Variants in INPP4A observed in about 807,000 individuals in gnomAD.
INPP4A encodes the protein inositol polyphosphate-4-phosphatase type I A.
Under a neutral mutation model 119.8 loss-of-function variants are expected in INPP4A, and 33 were observed. The ratio of observed to expected loss-of-function variants is 0.28; its 90% CI spans 0.21 to 0.37. INPP4A has a LOEUF of 0.37. Among genes scored for constraint, INPP4A ranks in the 10% least tolerant of loss-of-function variants. The pLI is 1.00. For missense variants in INPP4A, 956 were observed against 1,289.9 expected (o/e 0.74, Z 3.97); for synonymous variants, 496 against 500.7 (o/e 0.99, Z 0.12).
chr2:98,512,202 C>T (rs549538647), intron 1 of INPP4A, among the ~76,000 whole-genome samples: 1 of 152,334 alleles, frequency 6.6e-6, no homozygotes, highest in East Asian at 1.9e-4. Flanking sequence ...GCTTGCTCCT[C>T]AGTGTGTCCT....
At chr2:98,541,502 G>A (rs914432152) in intron 10 of INPP4A, among the ~76,000 whole-genome samples, 1 of 152,074 alleles carries the variant, frequency 6.6e-6, no homozygotes, top group Non-Finnish European at 1.5e-5. Context: ...TTACACAGTG[G>A]CAATCTACTT....
In INPP4A at chr2:98,589,911, C is replaced by T; in HGVS notation, c.*2303C>T. 5.0e-6 allele frequency: 1 copy of T among 198,182 alleles called. No homozygotes were observed. Among genetic ancestry groups the T allele is most frequent in the East Asian group, 7.9e-5 (1 of 12,704 alleles). 12.3% of individuals were successfully genotyped at this position (198,182 alleles called of 1,614,324 possible). A position where few individuals can be genotyped will look rare whatever the true frequency, so the allele number is the denominator to read the frequency against. On this transcript the variant is annotated 3_prime_UTR_variant, in exon 25 of 25. Transcript: ENST00000409851. ...ATTCTGTCAGAGCTCCTACAGAGCA[C>T]AGTTGCCTTTAGTTTCCTTTAAAGA...
chr2:98,472,009 G>A (rs192656460), intron 1 of INPP4A, among the ~76,000 whole-genome samples: 55 of 152,324 alleles, frequency 3.6e-4, no homozygotes, highest in African/African-American at 1.1e-3. Context: ...CCCTCTTTTT[G>A]TGCCCCACAA....
rs553733660 is a variant in INPP4A, at chr2:98,506,978, G to T, written c.-165-11986G>T. Among the ~76,000 whole-genome samples, 25 of 152,358 alleles carry T rather than the reference G, an allele frequency of 1.6e-4. 1 individual carries two copies. The South Asian group carries it at 5.2e-3, about 32-fold the overall frequency. On this transcript the variant is annotated intron_variant, in intron 1 of 24. Transcript: ENST00000409851. ...AGGAAAACGACATTTTGGAGAGTCT[G>T]CGGTCTGGGGTGCTTTGATCCTCGT...
At chr2:98,529,633 G>A (rs1271159046) in intron 4 of INPP4A, among the ~76,000 whole-genome samples, 1 of 152,138 alleles carries the variant, frequency 6.6e-6, no homozygotes, top group East Asian at 1.9e-4. Flanking sequence ...CTACTCGGGA[G>A]GCTGAGGCAG....
intron 1 of INPP4A, among the ~76,000 whole-genome samples, chr2:98,491,984 G>A (rs766216844): frequency 1.3e-5 from 2 of 151,996 alleles, no homozygotes; most frequent in Non-Finnish European, 2.9e-5. Flanking sequence ...CTGCCCCCTG[G>A]GCTCAAGTGA....
At chr2:98,567,667 G>A (rs1479528622) in intron 21 of INPP4A, among the ~76,000 whole-genome samples, 1 of 152,206 alleles carries the variant, frequency 6.6e-6, no homozygotes, top group Admixed American at 6.5e-5. Flanking sequence ...GACTTGCAAA[G>A]GGCAGGTTCT....
chr2:98,467,052 G>A (rs1433137827), intron 1 of INPP4A, among the ~76,000 whole-genome samples: 2 of 152,188 alleles, frequency 1.3e-5, no homozygotes, highest in African/African-American at 4.8e-5. Flanking sequence ...TGAGGCCTCA[G>A]GCTGCTTCTA....
At chr2:98,446,310 G>T (rs1694183970) in intron 1 of INPP4A, among the ~76,000 whole-genome samples, 1 of 152,200 alleles carries the variant, frequency 6.6e-6, no homozygotes, top group African/African-American at 2.4e-5. Context: ...TTTGTTTTTG[G>T]ATCTAGGCTA....
intron 15 of INPP4A, among the ~76,000 whole-genome samples, chr2:98,555,241 C>A (rs1001393327): frequency 6.6e-6 from 1 of 152,152 alleles, no homozygotes; most frequent in African/African-American, 2.4e-5. Context: ...TCTGCAGTGG[C>A]AAGAGGAGGA....
intron 22 of INPP4A, 197 bp downstream of exon 22, chr2:98,568,865 C>T: frequency 1.8e-6 from 1 of 555,642 alleles, no homozygotes; most frequent in Non-Finnish European, 3.3e-6. Flanking sequence ...CATCTCTTTG[C>T]TGTCGATTCT....
At chr2:98,492,155 C>T (rs776542278) in intron 1 of INPP4A, among the ~76,000 whole-genome samples, 1 of 152,160 alleles carries the variant, frequency 6.6e-6, no homozygotes, top group African/African-American at 2.4e-5. Flanking sequence ...TCCCAAACTG[C>T]TGGGATTACC....
At chr2:98,573,618 G>A (rs892439094) in intron 23 of INPP4A, among the ~76,000 whole-genome samples, 7 of 152,152 alleles carry the variant, frequency 4.6e-5, no homozygotes, top group East Asian at 1.9e-4. Flanking sequence ...ACCACGCCTC[G>A]TCACAGAGCT....
intron 16 of INPP4A, 169 bp downstream of exon 16, chr2:98,555,977 A>C: frequency 1.3e-6 from 1 of 741,862 alleles, no homozygotes; most frequent in Non-Finnish European, 2.1e-6. Context: ...GTGAGAGCGG[A>C]GTCTCCGGTT....
At chr2:98,459,421 G>A (rs866640307) in intron 1 of INPP4A, among the ~76,000 whole-genome samples, 3 of 152,220 alleles carry the variant, frequency 2.0e-5, no homozygotes, top group South Asian at 2.1e-4. Context: ...GGGCTGGCGT[G>A]CAGAGTGCTG....
intron 1 of INPP4A, among the ~76,000 whole-genome samples, chr2:98,449,653 A>G (rs1694886300): frequency 6.6e-6 from 1 of 152,208 alleles, no homozygotes; most frequent in Admixed American, 6.5e-5. Context: ...TGTAGGCACT[A>G]TGTATTCTCG....
intron 8 of INPP4A, among the ~76,000 whole-genome samples, 190 bp from the exon 9 acceptor site, chr2:98,538,701 G>A (rs944545766): frequency 3.9e-5 from 6 of 152,322 alleles, no homozygotes; most frequent in South Asian, 2.1e-4. Flanking sequence ...AATTGTGTGC[G>A]CATGAAGTGA....
rs372335775 is a variant in INPP4A, at chr2:98,555,614, TGCTGCAGAAGGAGCG to T, written c.1635_1649del (p.Gln545_Leu549del). 2,933 of 1,613,942 alleles carry T rather than the reference TGCTGCAGAAGGAGCG, an allele frequency of 1.8e-3. 12 individuals carry two copies. The highest frequency in any genetic ancestry group is 6.8e-3 in the South Asian group (618 of 91,084). On this transcript the variant is annotated inframe_deletion, in exon 16 of 25. Coordinates refer to ENST00000409851, the MANE Select transcript of INPP4A (RefSeq NM_001134225.2). ...TGCATCATTCAGCGTGTGGACAAGC[TGCTGCAGAAGGAGCG>T]GCTGCATGGCGAGGGCTGTGAGGAT... is the stretch of plus-strand genomic sequence containing the variant.
intron 4 of INPP4A, among the ~76,000 whole-genome samples, chr2:98,532,781 G>C (rs1689483514): frequency 6.6e-6 from 1 of 152,092 alleles, no homozygotes; most frequent in Non-Finnish European, 1.5e-5. Flanking sequence ...GAATTTTTCA[G>C]CTCCATTATA....
Sources: gnomAD v4.1 joint callset for allele counts (sites outside exome capture counted in the v4.1 genomes callset) on GRCh38, gnomAD v4.1.1 for gene constraint, MANE v1.5 for transcripts, NCBI Gene and HGNC (gene_info 2026-07-23, HGNC 2026-07-21) for gene names.